Variants in FER1L6 observed in about 807,000 individuals in gnomAD.
FER1L6 encodes the protein fer-1 like family member 6.
Under a neutral mutation model 219.2 loss-of-function variants are expected in FER1L6, and 177 were observed. The observed-to-expected ratio is 0.81, with a 90% CI of 0.71 to 0.91. The LOEUF (loss-of-function observed/expected upper bound fraction) is 0.91. FER1L6 is among the 40% of genes least tolerant of loss of function. The probability of loss-of-function intolerance (pLI) is 0.00; values close to 1 mark genes in which losing one functional copy is unlikely to be tolerated. For missense variants in FER1L6, 2,153 were observed against 2,259.9 expected (o/e 0.95, Z 0.96); for synonymous variants, 768 against 824.3 (o/e 0.93, Z 1.17).
At position 123,939,186 on chromosome 8, in the gene FER1L6, C is replaced by G. The variant is rs1043383110; in HGVS notation, c.-7-16806C>G. 3 of 985,210 alleles carry G rather than the reference C, an allele frequency of 3.0e-6. No individual in the cohort carries two copies. The African/African-American group carries it at 5.2e-5, about 17-fold the overall frequency. 61.0% of individuals were successfully genotyped at this position (985,210 alleles called of 1,614,324 possible). A position where few individuals can be genotyped will look rare whatever the true frequency, so the allele number is the denominator to read the frequency against. Reference sequence around the variant, plus strand: ...CTGTGAAAAACCAATGTTCCAGTCTCCACTGAGGTGAGCTAAATAACACAT... The same window carrying G: ...CTGTGAAAAACCAATGTTCCAGTCTGCACTGAGGTGAGCTAAATAACACAT... On this transcript the variant is annotated intron_variant, in intron 1 of 40. Coordinates refer to ENST00000522917, the MANE Select transcript of FER1L6 (RefSeq NM_001039112.2).
chr8:123,883,174 G>A (rs1817141746), intron 1 of FER1L6, among the ~76,000 whole-genome samples: 1 of 152,208 alleles, frequency 6.6e-6, no homozygotes, highest in African/African-American at 2.4e-5. Context: ...CCAGGGAAGA[G>A]CCTTCTGGTC....
At chr8:123,869,416 T>G (rs556587788) in intron 1 of FER1L6, among the ~76,000 whole-genome samples, 8 of 152,304 alleles carry the variant, frequency 5.3e-5, no homozygotes, top group Admixed American at 2.6e-4. Flanking sequence ...GTCTCATACA[T>G]AGGAAATACG....
At chr8:124,060,747 C>T in intron 24 of FER1L6, 38 bp downstream of exon 24, 1 of 1,596,348 alleles carries the variant, frequency 6.3e-7, no homozygotes, top group South Asian at 1.1e-5. Context: ...GCTCATTCCT[C>T]TTTTTTGCAC....
chr8:123,870,214 G>A (rs1816902856), intron 1 of FER1L6, among the ~76,000 whole-genome samples: 2 of 152,182 alleles, frequency 1.3e-5, no homozygotes, highest in African/African-American at 2.4e-5. Context: ...AATGTAAGTG[G>A]TATAGCCACT....
intron 1 of FER1L6, among the ~76,000 whole-genome samples, chr8:123,947,154 C>T (rs1289369437): frequency 1.3e-5 from 2 of 151,646 alleles, no homozygotes; most frequent in East Asian, 3.9e-4. Context: ...GGTGTGGTGG[C>T]ACGTGCCTGT....
intron 40 of FER1L6, among the ~76,000 whole-genome samples, chr8:124,119,167 G>C (rs1823376728): frequency 6.6e-6 from 1 of 152,138 alleles, no homozygotes; most frequent in African/African-American, 2.4e-5. Context: ...CGATCTATTT[G>C]GGGAAAATAA....
intron 28 of FER1L6, 59 bp downstream of exon 28, chr8:124,067,865 T>C (rs745844191): frequency 5.9e-5 from 86 of 1,446,806 alleles, no homozygotes; most frequent in Middle Eastern, 1.7e-4. Flanking sequence ...ACGAGAAAAT[T>C]GTAAAATGGA....
rs998892718 is a variant in FER1L6, at chr8:124,069,419, A to G, written c.3778A>G (p.Lys1260Glu). The change falls in exon 29 of 41, where the codon AAA becomes GAA. Residue 1260 changes from lysine (K) to glutamate (E), a missense_variant. Transcript: ENST00000522917. ...IEDGPKKKKD[K>E]MLKKKPKDDG... ...AGATGGGCCAAAGAAGAAGAAAGAC[A>G]AAATGCTCAAGAAGAAACCCAAAGA... 3 of 1,612,364 alleles carry G rather than the reference A, an allele frequency of 1.9e-6. No individual in the cohort carries two copies. The highest frequency in any genetic ancestry group is 2.5e-6 in the Non-Finnish European group (3 of 1,179,468).
intron 1 of FER1L6, among the ~76,000 whole-genome samples, chr8:123,888,097 AT>A (rs1298529200): frequency 1.0e-4 from 15 of 148,966 alleles, no homozygotes; most frequent in African/African-American, 3.7e-4. Context: ...GGAAATTCTA[AT>A]TCAGTAAACT....
intron 1 of FER1L6, among the ~76,000 whole-genome samples, chr8:123,886,206 A>G (rs1010383884): frequency 6.6e-6 from 1 of 152,104 alleles, no homozygotes; most frequent in Non-Finnish European, 1.5e-5. Flanking sequence ...TTAGGGTGCT[A>G]TGGTTTGGAT....
intron 18 of FER1L6, among the ~76,000 whole-genome samples, chr8:124,024,401 T>A (rs1339009669): frequency 6.6e-6 from 1 of 151,350 alleles, no homozygotes; most frequent in Non-Finnish European, 1.5e-5. Flanking sequence ...CCACTCTGTA[T>A]GACTTTTCAT....
At chr8:123,955,921 G>C in intron 1 of FER1L6, 71 bp from the exon 2 acceptor site, 1 of 1,420,644 alleles carries the variant, frequency 7.0e-7, no homozygotes, top group Non-Finnish European at 9.7e-7. Context: ...GTGTGTTTTT[G>C]TGTTTACCTT....
chr8:124,046,984 A>G (rs1034663806), intron 21 of FER1L6, among the ~76,000 whole-genome samples: 1 of 152,202 alleles, frequency 6.6e-6, no homozygotes, highest in African/African-American at 2.4e-5. Flanking sequence ...ATAGATGTGT[A>G]TATTTATGGA....
intron 40 of FER1L6, 67 bp from the exon 41 acceptor site, chr8:124,119,540 G>A: frequency 9.5e-7 from 1 of 1,048,582 alleles, no homozygotes; most frequent in Non-Finnish European, 1.5e-6. Context: ...AACACTTCCT[G>A]GGGTCTTAAG....
intron 22 of FER1L6, among the ~76,000 whole-genome samples, chr8:124,056,901 G>A (rs986848649): frequency 3.3e-5 from 5 of 152,100 alleles, no homozygotes; most frequent in South Asian, 2.1e-4. Flanking sequence ...AAAATTAGCT[G>A]GGCGCGGTGG....
intron 1 of FER1L6, among the ~76,000 whole-genome samples, chr8:123,954,166 C>T (rs952085954): frequency 7.9e-5 from 12 of 152,060 alleles, no homozygotes; most frequent in Admixed American, 3.3e-4. Context: ...CTGGACTTGC[C>T]CAAGCAGTTA....
intron 27 of FER1L6, among the ~76,000 whole-genome samples, chr8:124,067,167 T>C (rs1159541583): frequency 6.6e-6 from 1 of 152,116 alleles, no homozygotes; most frequent in East Asian, 1.9e-4. Flanking sequence ...GGAAGAAAAA[T>C]TACTCCGATG....
chr8:124,031,402 G>T (rs1818960724), intron 18 of FER1L6, among the ~76,000 whole-genome samples: 1 of 152,124 alleles, frequency 6.6e-6, no homozygotes, highest in African/African-American at 2.4e-5. Flanking sequence ...ATTATCTAAT[G>T]CTAGTGGACT....
Position 123,975,321 on chromosome 8 carries a change from T to A in FER1L6, c.683+15T>A. The A allele has an allele frequency of 6.3e-7, 1 of 1,592,036 alleles. No individual in the cohort carries two copies. The highest frequency in any genetic ancestry group is 1.3e-5 in the African/African-American group (1 of 74,236). ...CCAATAGAAAAGTAAGACAGGTCCA[T>A]CCTGGGTTGTGCATAGAAATGATAT... is the stretch of plus-strand genomic sequence containing the variant. On this transcript the variant is annotated intron_variant, in intron 8 of 40. Coordinates refer to ENST00000522917, the MANE Select transcript of FER1L6 (RefSeq NM_001039112.2).
Sources: gnomAD v4.1 joint callset for allele counts (sites outside exome capture counted in the v4.1 genomes callset) on GRCh38, gnomAD v4.1.1 for gene constraint, MANE v1.5 for transcripts, NCBI Gene and HGNC (gene_info 2026-07-23, HGNC 2026-07-21) for gene names.